CCDC171: variants seen among roughly 807,000 people sequenced by gnomAD.
The protein encoded by CCDC171 is coiled-coil domain-containing protein 171.
A neutral mutation model predicts 168.2 loss-of-function variants in CCDC171; 177 were observed. That is an observed-to-expected ratio of 1.05 (90% CI 0.93 to 1.19). CCDC171 has a LOEUF of 1.19. Among genes scored for constraint, CCDC171 ranks in the 50% most tolerant of loss-of-function variants. The pLI is 0.00. For missense variants in CCDC171, 1,991 were observed against 1,539.0 expected, an observed-to-expected ratio of 1.29 and a Z score of -4.91; for synonymous variants, 687 against 540.8, an observed-to-expected ratio of 1.27 and a Z score of -3.75.
intron 6 of CCDC171, among the ~76,000 whole-genome samples, chr9:15,603,840 A>G (rs2043037562): frequency 6.6e-6 from 1 of 152,166 alleles, no homozygotes; most frequent in African/African-American, 2.4e-5. Context: ...TGTCTTCCAC[A>G]ATGGTTGAAG....
At position 15,594,158 on chromosome 9, in the gene CCDC171, C is replaced by T; in HGVS notation, c.661C>T (p.Gln221Ter). ...EQWEAERREL[Q>*]FIVQEQDTAV... ...ATGGGAAGCAGAAAGAAGAGAATTA[C>T]AATTTATAGTACAGGTATTTTAAAA... is the stretch of plus-strand genomic sequence containing the variant. The change falls in exon 6 of 26, where the codon CAA (glutamine) becomes TAA (stop). Residue 221 changes from glutamine to a stop codon, truncating the protein, a stop_gained. Transcript: ENST00000380701. LOFTEE classifies it high-confidence loss of function. The T allele has an allele frequency of 7.0e-7, 1 of 1,423,452 alleles. No individual in the cohort carries two copies. The highest frequency in any genetic ancestry group is 9.8e-7 in the Non-Finnish European group (1 of 1,015,656). 88.2% of individuals were successfully genotyped at this position (1,423,452 alleles called of 1,614,324 possible). A position where few individuals can be genotyped will look rare whatever the true frequency, so the allele number is the denominator to read the frequency against.
intron 6 of CCDC171, among the ~76,000 whole-genome samples, chr9:15,617,874 C>T (rs191989471): frequency 2.1e-4 from 32 of 152,262 alleles, no homozygotes; most frequent in South Asian, 4.2e-4. Flanking sequence ...CTCCTTCCTC[C>T]GGAAGCTTTG....
At chr9:15,987,848 A>G (rs950857153) in intron 3 of CCDC171, among the ~76,000 whole-genome samples, 1 of 152,222 alleles carries the variant, frequency 6.6e-6, no homozygotes, top group Non-Finnish European at 1.5e-5. Flanking sequence ...TTTATGTTTC[A>G]TATATACCTT....
intron 23 of CCDC171, among the ~76,000 whole-genome samples, chr9:15,870,438 TC>T (rs1465084662): frequency 2.6e-5 from 4 of 151,890 alleles, no homozygotes; most frequent in African/African-American, 9.7e-5. Flanking sequence ...TTTTGAAGCA[TC>T]GGAGGCCATA....
intron 24 of CCDC171, among the ~76,000 whole-genome samples, chr9:15,908,834 G>A (rs60997039): frequency 0.04 from 6,053 of 152,122 alleles, 419 homozygotes; most frequent in African/African-American, 0.14. Flanking sequence ...AGAGGGAGGT[G>A]CCACATGGTT....
chr9:15,693,551 C>G (rs1035341284), intron 10 of CCDC171, among the ~76,000 whole-genome samples: 7 of 151,604 alleles, frequency 4.6e-5, no homozygotes, highest in African/African-American at 1.5e-4. Context: ...AAGACCAACT[C>G]AAATAAAAGT....
intron 9 of CCDC171, among the ~76,000 whole-genome samples, chr9:15,671,512 C>T (rs1289070882): frequency 6.6e-6 from 1 of 150,608 alleles, no homozygotes; most frequent in Non-Finnish European, 1.5e-5. Context: ...TCCCCCAGCC[C>T]CCCACCCCCT....
intron 25 of CCDC171, among the ~76,000 whole-genome samples, chr9:15,926,284 T>C (rs1360984466): frequency 1.3e-5 from 2 of 151,634 alleles, no homozygotes; most frequent in Non-Finnish European, 3.0e-5. Context: ...TTTTGTATAA[T>C]AGGAAATGTA....
chr9:15,977,221 T>C (rs1000178449), downstream of CCDC171, among the ~76,000 whole-genome samples: 1 of 152,204 alleles, frequency 6.6e-6, no homozygotes, highest in Non-Finnish European at 1.5e-5. Context: ...ACATATTTTT[T>C]CTGAACCTCC....
chr9:15,949,862 G>C (rs1828907445), intron 25 of CCDC171, among the ~76,000 whole-genome samples: 1 of 152,152 alleles, frequency 6.6e-6, no homozygotes, highest in Non-Finnish European at 1.5e-5. Flanking sequence ...AGTGGTGAGA[G>C]AGGGCATCCC....
chr9:15,673,560 G>T (rs2049285734), intron 9 of CCDC171, among the ~76,000 whole-genome samples: 1 of 152,106 alleles, frequency 6.6e-6, no homozygotes, highest in African/African-American at 2.4e-5. Flanking sequence ...AGCATGAAGG[G>T]CTATTGAGTT....
At chr9:16,081,843 T>C in the CCDC171 span, among the ~76,000 whole-genome samples, 1 of 151,518 alleles carries the variant, frequency 6.6e-6, no homozygotes, top group Non-Finnish European at 1.5e-5. Context: ...GTTTACTTCT[T>C]ATTGATTACT....
intron 11 of CCDC171, among the ~76,000 whole-genome samples, chr9:15,712,682 G>A (rs1031976033): frequency 6.6e-6 from 1 of 152,186 alleles, no homozygotes; most frequent in Admixed American, 6.5e-5. Flanking sequence ...GTTACTCAGT[G>A]TGATCAACCT....
At chr9:15,863,250 G>A (rs372901460) in intron 23 of CCDC171, among the ~76,000 whole-genome samples, 1 of 151,990 alleles carries the variant, frequency 6.6e-6, no homozygotes. Context: ...TGCTGGGAGT[G>A]GGGATTACGA....
At chr9:15,803,374 G>A (rs2058920306) in intron 21 of CCDC171, among the ~76,000 whole-genome samples, 1 of 151,422 alleles carries the variant, frequency 6.6e-6, no homozygotes, top group Admixed American at 6.6e-5. Flanking sequence ...TTTTTTCTAG[G>A]GTTTTTTTTT....
downstream of CCDC171, among the ~76,000 whole-genome samples, chr9:15,976,021 G>A (rs1010493722): frequency 6.6e-6 from 1 of 152,170 alleles, no homozygotes; most frequent in African/African-American, 2.4e-5. Context: ...CGAAGTTGAA[G>A]TGATGTGCTG....
the CCDC171 span, among the ~76,000 whole-genome samples, chr9:16,087,093 G>A: frequency 9.2e-5 from 14 of 152,208 alleles, no homozygotes; most frequent in Non-Finnish European, 1.6e-4. Flanking sequence ...TGGTCTGAGA[G>A]ACTGTTTGTT....
At chr9:16,006,907 T>C (rs559588907) in intron 3 of CCDC171, among the ~76,000 whole-genome samples, 47 of 152,348 alleles carry the variant, frequency 3.1e-4, no homozygotes, top group African/African-American at 1.1e-3. Flanking sequence ...TGCATGTGTC[T>C]TTATAGCAGC....
At chr9:15,560,712 G>T (rs1276825688) in intron 1 of CCDC171, among the ~76,000 whole-genome samples, 1 of 152,044 alleles carries the variant, frequency 6.6e-6, no homozygotes, top group Admixed American at 6.6e-5. Context: ...ATTACCCATC[G>T]TCTGAAGCCT....
Sources: gnomAD v4.1 joint callset for allele counts (sites outside exome capture counted in the v4.1 genomes callset) on GRCh38, gnomAD v4.1.1 for gene constraint, MANE v1.5 for transcripts, NCBI Gene and HGNC (gene_info 2026-07-23, HGNC 2026-07-21) for gene names.